The following LARP1 variants were observed in gnomAD, a reference collection of about 807,000 sequenced individuals.
LARP1 encodes la-related protein 1.
A neutral mutation model predicts 122.7 loss-of-function variants in LARP1; 36 were observed. The observed-to-expected ratio is 0.29, with a 90% CI of 0.22 to 0.39. The LOEUF (loss-of-function observed/expected upper bound fraction) is 0.39. Ranked by LOEUF, LARP1 falls within the 10% of genes least tolerant of loss-of-function variation. LARP1 has a pLI of 1.00. For synonymous variants in LARP1, 539 were observed against 528.7 expected, an observed-to-expected ratio of 1.02 and a Z score of -0.27; for missense variants, 1,040 against 1,403.6, an observed-to-expected ratio of 0.74 and a Z score of 4.14.
chr5:154,808,555 AT>A lies in LARP1; in HGVS notation c.2796del (p.Tyr932Ter). ...FLRDHFNKKM[Y>X]EEFKQLALED... ...CGAGATCACTTCAACAAAAAGATGT[AT>A]GAGGAGTTCAAGCAGCTGGCTCTGG... is the stretch of plus-strand genomic sequence containing the variant. On this transcript the variant is annotated frameshift_variant, in exon 16 of 19. Transcript: ENST00000518297. LOFTEE classifies it high-confidence loss of function. The A allele has an allele frequency of 6.2e-7, 1 of 1,613,806 alleles. No homozygotes were observed. Among genetic ancestry groups the A allele is most frequent in the Non-Finnish European group, 8.5e-7 (1 of 1,179,930 alleles).
intron 1 of LARP1, among the ~76,000 whole-genome samples, chr5:154,749,133 C>T (rs1051468883): frequency 9.2e-5 from 14 of 152,142 alleles, no homozygotes; most frequent in Admixed American, 7.2e-4. Context: ...AAAGTAGAGG[C>T]AGGGCCTGAG....
upstream of LARP1, among the ~76,000 whole-genome samples, chr5:154,751,586 T>G (rs551512740): frequency 6.6e-6 from 1 of 152,360 alleles, no homozygotes; most frequent in Admixed American, 6.5e-5. Flanking sequence ...TGGTCATTAC[T>G]AGTCCCCTCT....
rs1375769851 is a variant in LARP1 at position 154,755,731 on chromosome 5, G to A, written c.-27G>A. The A allele has an allele frequency of 4.3e-5, 42 of 987,404 alleles. No individual in the cohort carries two copies. Among genetic ancestry groups the A allele is most frequent in the Admixed American group, 6.1e-5 (1 of 16,262 alleles). The allele number at this position is 987,404 out of a possible 1,614,324, so 61.2% of individuals were successfully genotyped here. On this transcript the variant is annotated 5_prime_UTR_variant, in exon 1 of 19. Coordinates refer to ENST00000518297, the MANE Select transcript of LARP1 (RefSeq NM_033551.3). Reference sequence around the variant, plus strand: ...GGGGGAGGCAGCCTCGGGCGCGCCCGGCTTCTCCGGGGGGGCGGGCGCGCA... The same window carrying A: ...GGGGGAGGCAGCCTCGGGCGCGCCCAGCTTCTCCGGGGGGGCGGGCGCGCA...
At chr5:154,736,561 T>TTTAG (rs2113434728) in intron 1 of LARP1, among the ~76,000 whole-genome samples, 1 of 149,558 alleles carries the variant, frequency 6.7e-6, no homozygotes, top group South Asian at 2.1e-4. Context: ...TATTTATTTA[T>TTTAG]TTATTTATTT....
chr5:154,709,978 A>G (rs570073555), upstream of LARP1, among the ~76,000 whole-genome samples: 1 of 152,134 alleles, frequency 6.6e-6, no homozygotes, highest in Non-Finnish European at 1.5e-5. Flanking sequence ...TCTCATAAGG[A>G]GTGCACAACC....
At chr5:154,702,732 C>G (rs1008932082) in intron 1 of LARP1, among the ~76,000 whole-genome samples, 3 of 152,156 alleles carry the variant, frequency 2.0e-5, no homozygotes, top group African/African-American at 7.2e-5. Context: ...TCTAACAACT[C>G]TGTGAAGTAG....
At chr5:154,763,571 G>C (rs569311153) in intron 1 of LARP1, among the ~76,000 whole-genome samples, 4 of 151,960 alleles carry the variant, frequency 2.6e-5, no homozygotes, top group African/African-American at 9.7e-5. Context: ...GTGAGCCCAG[G>C]AGTTCAAGGC....
chr5:154,763,745 TA>T (rs1646065808), intron 1 of LARP1, among the ~76,000 whole-genome samples: 1 of 151,826 alleles, frequency 6.6e-6, no homozygotes, highest in Admixed American at 6.6e-5. Context: ...CTCATGCCTG[TA>T]ACCCCAGCAC....
At chr5:154,788,515 G>T (rs1258067662) in intron 1 of LARP1, among the ~76,000 whole-genome samples, 4 of 152,146 alleles carry the variant, frequency 2.6e-5, no homozygotes, top group South Asian at 2.1e-4. Context: ...AGCCAGCCGG[G>T]CAAATTTCTC....
chr5:154,791,679 A>C (rs954773998), intron 3 of LARP1, among the ~76,000 whole-genome samples: 1 of 152,210 alleles, frequency 6.6e-6, no homozygotes, highest in South Asian at 2.1e-4. Flanking sequence ...ACCTCTGTGC[A>C]TACCAGAATC....
intron 1 of LARP1, chr5:154,757,047 T>G (rs2113556593): frequency 6.8e-6 from 1 of 146,906 alleles, no homozygotes; most frequent in Non-Finnish European, 1.5e-5. Context: ...GGCCTCGGCG[T>G]TCGGTGCGGG....
At chr5:154,765,747 A>G (rs997882300) in intron 1 of LARP1, among the ~76,000 whole-genome samples, 2 of 152,164 alleles carry the variant, frequency 1.3e-5, no homozygotes, top group African/African-American at 4.8e-5. Context: ...ATACCTGATT[A>G]CGTTTGTATT....
In LARP1 at chr5:154,802,835, C is replaced by A. The variant is rs1011974695; in HGVS notation, c.2109+436C>A. On this transcript the variant is annotated intron_variant, in intron 11 of 18. Transcript: ENST00000518297. The surrounding 1 kb of genome is among the most constrained non-coding windows in gnomAD (Gnocchi z 5.1). ...TGCTGCCTGGAAATAGTCAAAACAT[C>A]TCTGTTGTGGGATTTTAGAGTGGGT... Among the ~76,000 whole-genome samples the A allele has an allele frequency of 2.6e-5, 4 of 152,136 alleles. No individual in the cohort carries two copies. Among genetic ancestry groups the A allele is most frequent in the African/African-American group, 9.7e-5 (4 of 41,422 alleles).
intron 1 of LARP1, among the ~76,000 whole-genome samples, chr5:154,721,953 C>A (rs561672884): frequency 3.9e-5 from 6 of 152,106 alleles, no homozygotes; most frequent in African/African-American, 1.4e-4. Context: ...TATGGTTGAA[C>A]GTCCAGTCAC....
At chr5:154,746,768 G>A (rs1753217385) in intron 1 of LARP1, among the ~76,000 whole-genome samples, 1 of 152,180 alleles carries the variant, frequency 6.6e-6, no homozygotes, top group Non-Finnish European at 1.5e-5. Context: ...GGAAGCCAAG[G>A]TATGAGAATT....
At chr5:154,746,403 C>T (rs749022377) in intron 1 of LARP1, among the ~76,000 whole-genome samples, 22 of 152,220 alleles carry the variant, frequency 1.4e-4, no homozygotes, top group Non-Finnish European at 2.2e-4. Context: ...GATTTCCACT[C>T]GTCTCCATGA....
At chr5:154,723,281 A>G (rs139365185) in intron 1 of LARP1, among the ~76,000 whole-genome samples, 46 of 152,336 alleles carry the variant, frequency 3.0e-4, no homozygotes, top group Middle Eastern at 3.4e-3. Context: ...GCTGGGGAAC[A>G]GTGATGGGTT....
chr5:154,773,170 G>A (rs1310947809), intron 1 of LARP1, among the ~76,000 whole-genome samples: 4 of 151,928 alleles, frequency 2.6e-5, no homozygotes, highest in African/African-American at 9.7e-5. Context: ...ACGAATGGGG[G>A]CTTCTGTCAC....
upstream of LARP1, among the ~76,000 whole-genome samples, chr5:154,754,798 A>G (rs575543484): frequency 1.8e-4 from 28 of 152,156 alleles, no homozygotes; most frequent in African/African-American, 6.7e-4. Context: ...CCGGGCGGGG[A>G]CCGAAGGGGC....
Sources: allele counts gnomAD v4.1 joint callset (sites outside exome capture counted in the v4.1 genomes callset), GRCh38; gene constraint gnomAD v4.1.1; non-coding constraint Gnocchi (gnomAD v3.1); transcripts MANE v1.5; gene names NCBI Gene and HGNC (gene_info 2026-07-23, HGNC 2026-07-21).